Variants in VEPH1 observed in about 807,000 individuals in gnomAD.
VEPH1 encodes ventricular zone-expressed PH domain-containing protein homolog 1.
VEPH1 carries 80 observed loss-of-function variants against 85.2 expected under a neutral mutation model. The observed-to-expected ratio is 0.94, with a 90% CI of 0.78 to 1.13. VEPH1 has a LOEUF of 1.13. Ranked by LOEUF, VEPH1 falls within the 50% of genes most tolerant of loss-of-function variation. The pLI is 0.00. For missense variants in VEPH1, 955 were observed against 980.5 expected (o/e 0.97, Z 0.35); for synonymous variants, 297 against 348.0 (o/e 0.85, Z 1.63).
intron 6 of VEPH1, among the ~76,000 whole-genome samples, chr3:157,404,376 T>C (rs1416201556): frequency 6.6e-6 from 1 of 152,152 alleles, no homozygotes; most frequent in African/African-American, 2.4e-5. Context: ...GATGCTAAAC[T>C]CTGTGTTATA....
At chr3:157,267,773 CCAAA>C (rs983979366) in intron 12 of VEPH1, among the ~76,000 whole-genome samples, 7 of 152,198 alleles carry the variant, frequency 4.6e-5, no homozygotes, top group South Asian at 2.1e-4. Flanking sequence ...GTCTCAAAAA[CCAAA>C]CAAACAAACA....
intron 2 of VEPH1, among the ~76,000 whole-genome samples, chr3:157,484,973 C>T (rs1186559178): frequency 6.6e-6 from 1 of 152,262 alleles, no homozygotes; most frequent in East Asian, 1.9e-4. Flanking sequence ...AATTGTATTA[C>T]TTATTATAGT....
intron 12 of VEPH1, among the ~76,000 whole-genome samples, chr3:157,282,428 A>G (rs1431615640): frequency 6.6e-6 from 1 of 152,224 alleles, no homozygotes; most frequent in African/African-American, 2.4e-5. Context: ...ATGAATCATG[A>G]TAGAAAGTTG....
intron 4 of VEPH1, among the ~76,000 whole-genome samples, chr3:157,457,348 T>C (rs911202533): frequency 1.3e-5 from 2 of 152,244 alleles, no homozygotes. Flanking sequence ...TGACTTCCTC[T>C]CTTCCTATTT....
chr3:157,387,417 G>A (rs746452980), intron 6 of VEPH1, among the ~76,000 whole-genome samples: 1 of 152,200 alleles, frequency 6.6e-6, no homozygotes, highest in African/African-American at 2.4e-5. Flanking sequence ...GTATCTAGAT[G>A]AGGATATTGA....
intron 2 of VEPH1, among the ~76,000 whole-genome samples, chr3:157,480,379 G>A (rs1173362990): frequency 6.6e-6 from 1 of 152,020 alleles, no homozygotes; most frequent in Non-Finnish European, 1.5e-5. Context: ...ACTGAGGTTT[G>A]GGGGCATAAA....
At chr3:157,480,046 CTTTCTTTCCTT>C (rs1193160484) in intron 2 of VEPH1, among the ~76,000 whole-genome samples, 31 of 127,508 alleles carry the variant, frequency 2.4e-4, no homozygotes, top group East Asian at 4.4e-4. Context: ...TTTTTTCTTT[CTTTCTTTCCTT>C]TTTCTTTCTT....
chr3:157,340,946 G>C (rs1040673932), intron 9 of VEPH1, among the ~76,000 whole-genome samples: 1 of 152,216 alleles, frequency 6.6e-6, no homozygotes, highest in African/African-American at 2.4e-5. Flanking sequence ...AACTCCAACA[G>C]ACCTGCAGCT....
At chr3:157,472,722 C>T (rs1737081213) in intron 2 of VEPH1, among the ~76,000 whole-genome samples, 1 of 152,102 alleles carries the variant, frequency 6.6e-6, no homozygotes, top group Non-Finnish European at 1.5e-5. Flanking sequence ...CTCTGTGTGT[C>T]CATGTGTTCT....
In VEPH1 at chr3:157,363,732, A is replaced by G; in HGVS notation, c.1367T>C (p.Leu456Pro). 1 of 1,613,632 alleles carries G rather than the reference A, an allele frequency of 6.2e-7. No individual in the cohort carries two copies. Among genetic ancestry groups the G allele is most frequent in the Non-Finnish European group, 8.5e-7 (1 of 1,179,672 alleles). The change falls in exon 9 of 14, where the codon CTC (leucine) becomes CCC (proline). Residue 456 changes from leucine (L) to proline (P), a missense_variant. Transcript: ENST00000362010. ...GTCATCTGAACCCACACCCTTTGTG[A>G]GCATAGTGTGGAAAGCCAAACTTTT... ...RSKSLAFHTM[L>P]TKGVGSDDGE...
At chr3:157,349,146 C>T (rs933920917) in intron 9 of VEPH1, among the ~76,000 whole-genome samples, 3 of 152,110 alleles carry the variant, frequency 2.0e-5, no homozygotes, top group African/African-American at 7.2e-5. Flanking sequence ...TAAAATCTAA[C>T]AAATCAAATC....
intron 9 of VEPH1, among the ~76,000 whole-genome samples, chr3:157,319,354 AGG>A (rs1721128721): frequency 6.6e-6 from 1 of 152,250 alleles, no homozygotes; most frequent in South Asian, 2.1e-4. Flanking sequence ...GGACAAGACC[AGG>A]AGGTCTGGCA....
intron 11 of VEPH1, among the ~76,000 whole-genome samples, chr3:157,295,835 G>A (rs1294427697): frequency 3.3e-5 from 5 of 151,602 alleles, no homozygotes; most frequent in African/African-American, 7.3e-5. Context: ...CAGGCCTGTC[G>A]TCCCAGCTAC....
At chr3:157,467,296 G>C (rs974210944) in intron 3 of VEPH1, among the ~76,000 whole-genome samples, 4 of 152,054 alleles carry the variant, frequency 2.6e-5, no homozygotes, top group African/African-American at 9.7e-5. Flanking sequence ...GATGGGATGG[G>C]TGGAGAGGCA....
At chr3:157,434,201 C>T (rs1014635435) in intron 4 of VEPH1, among the ~76,000 whole-genome samples, 1 of 152,132 alleles carries the variant, frequency 6.6e-6, no homozygotes, top group Non-Finnish European at 1.5e-5. Context: ...TTGGTGTGTT[C>T]TCTTCCTCCC....
chr3:157,470,753 C>G (rs1736867497), intron 2 of VEPH1, among the ~76,000 whole-genome samples: 1 of 152,070 alleles, frequency 6.6e-6, no homozygotes. Flanking sequence ...CTACTATCAC[C>G]CTTAGACAGG....
chr3:157,452,165 C>A (rs914785379), intron 4 of VEPH1, among the ~76,000 whole-genome samples: 1 of 152,070 alleles, frequency 6.6e-6, no homozygotes, highest in Non-Finnish European at 1.5e-5. Flanking sequence ...TCCTCATAAG[C>A]AAGCAAATCA....
At chr3:157,417,442 C>T (rs1359938108) in intron 5 of VEPH1, among the ~76,000 whole-genome samples, 1 of 152,184 alleles carries the variant, frequency 6.6e-6, no homozygotes, top group Non-Finnish European at 1.5e-5. Context: ...GTCTCTGTCC[C>T]TTCTGTTCAG....
Position 157,377,427 on chromosome 3 carries a change from T to G in VEPH1, c.1127+3729A>C, listed in dbSNP as rs1399639840. Among the ~76,000 whole-genome samples the G allele has an allele frequency of 2.0e-5, 3 of 152,056 alleles. No individual in the cohort carries two copies. In the East Asian group the frequency reaches 5.8e-4, roughly 29 times the overall value. ...TCTTCCTACCTACATATCTCCTAAA[T>G]TCTTCTTTTCATGGGGAAATTGTTC... On this transcript the variant is annotated intron_variant, in intron 7 of 13. Transcript: ENST00000362010.
Sources: allele counts gnomAD v4.1 joint callset (sites outside exome capture counted in the v4.1 genomes callset), GRCh38; gene constraint gnomAD v4.1.1; transcripts MANE v1.5; gene names NCBI Gene and HGNC (gene_info 2026-07-23, HGNC 2026-07-21).